Variants in TUBB6 observed in about 807,000 individuals in gnomAD.
The protein encoded by TUBB6 is tubulin beta 6 class V.
In TUBB6, 18 loss-of-function variants were observed where a neutral mutation model predicts 32.3. The observed-to-expected ratio is 0.56, with a 90% confidence interval of 0.39 to 0.83. TUBB6 has a LOEUF of 0.83. TUBB6 is among the 40% of genes least tolerant of loss of function. The pLI is 0.00. For missense variants in TUBB6, 480 were observed against 632.0 expected (o/e 0.76, Z 2.58); for synonymous variants, 280 against 265.8 (o/e 1.05, Z -0.52).
intron 3 of TUBB6, among the ~76,000 whole-genome samples, chr18:12,314,352 T>C (rs1219848029): frequency 2.6e-5 from 4 of 151,982 alleles, no homozygotes; most frequent in Non-Finnish European, 5.9e-5. Flanking sequence ...GTTCAGTGGA[T>C]TTTTGGTGAG....
At chr18:12,328,370 C>T (rs185884550), downstream of TUBB6, among the ~76,000 whole-genome samples, 1 of 152,346 alleles carries the variant, frequency 6.6e-6, no homozygotes, top group East Asian at 1.9e-4. Context: ...CAAATAACAG[C>T]AATTGATAGA....
chr18:12,329,416 G>T, downstream of TUBB6: 1 of 854,978 alleles, frequency 1.2e-6, no homozygotes, highest in Non-Finnish European at 1.9e-6. Flanking sequence ...GAGGCTGAAA[G>T]GACTAAGGAC....
chr18:12,320,912 A>G (rs1434252462), intron 3 of TUBB6, among the ~76,000 whole-genome samples: 2 of 152,216 alleles, frequency 1.3e-5, no homozygotes, highest in Non-Finnish European at 2.9e-5. Context: ...TCTACAGCCC[A>G]CTGCCCTTGC....
At chr18:12,307,775 C>G (rs1173388455), upstream of TUBB6, 1 of 152,194 alleles carries the variant, frequency 6.6e-6, no homozygotes, top group African/African-American at 2.4e-5. Flanking sequence ...AGAACGTGTG[C>G]CCGGGGTGCG....
In TUBB6 at chr18:12,325,406, C is replaced by T. The variant is rs1034116328; in HGVS notation, c.617C>T (p.Ala206Val). The T allele has an allele frequency of 2.5e-6, 4 of 1,614,220 alleles. No individual in the cohort carries two copies. The highest frequency in any genetic ancestry group is 1.1e-5 in the South Asian group (1 of 91,086). Reference sequence around the variant, plus strand: ...GAGACCTACTGCATCGACAACGAGGCGCTCTATGACATCTGCTTCCGCACT... The same window carrying T: ...GAGACCTACTGCATCGACAACGAGGTGCTCTATGACATCTGCTTCCGCACT... ...TDETYCIDNE[A>V]LYDICFRTLK... The change falls in exon 4 of 4, where the codon GCG becomes GTG. Residue 206 changes from alanine to valine, a missense_variant. Physicochemically the swap from Ala to Val is moderately conservative, Grantham distance 64. Transcript: ENST00000317702.
At chr18:12,318,330 A>G (rs1173192261) in intron 3 of TUBB6, among the ~76,000 whole-genome samples, 1 of 150,966 alleles carries the variant, frequency 6.6e-6, no homozygotes, top group Non-Finnish European at 1.5e-5. Flanking sequence ...GCCTACTAAG[A>G]GAAGGCAGTC....
intron 3 of TUBB6, among the ~76,000 whole-genome samples, chr18:12,314,793 G>A (rs1007116924): frequency 6.6e-6 from 1 of 152,092 alleles, no homozygotes; most frequent in African/African-American, 2.4e-5. Flanking sequence ...TTTAGCTCTG[G>A]GTTTCTGGCA....
intron 3 of TUBB6, 143 bp from the exon 4 acceptor site, chr18:12,324,924 T>G: frequency 1.3e-6 from 2 of 1,490,912 alleles, no homozygotes; most frequent in Non-Finnish European, 1.8e-6. Context: ...AGCTGCACCG[T>G]TGGTGGGTGC....
Position 12,308,344 on chromosome 18 carries a change from A to T in TUBB6, c.52A>T (p.Thr18Ser). The change falls in exon 1 of 4, where the codon ACC becomes TCC. Residue 18 changes from threonine (T) to serine (S), a missense_variant. By Grantham distance (58) the Thr-to-Ser change is moderately conservative. Coordinates refer to ENST00000317702, the MANE Select transcript of TUBB6 (RefSeq NM_032525.3). ...GGGCCAGTGCGGGAACCAGATCGGCACCAAGGTGGGCCTGGCGCGGTGCAG... is the reference window on the plus strand; with the variant it reads ...GGGCCAGTGCGGGAACCAGATCGGCTCCAAGGTGGGCCTGGCGCGGTGCAG... Reference protein sequence around the residue: ...QAGQCGNQIGTKFWEVISDEH... With the variant: ...QAGQCGNQIGSKFWEVISDEH... 6.8e-7 allele frequency: 1 copy of T among 1,476,700 alleles called. No individual in the cohort carries two copies. The highest frequency in any genetic ancestry group is 1.3e-5 in the South Asian group (1 of 77,664). 91.5% of individuals were successfully genotyped at this position (1,476,700 alleles called of 1,614,324 possible).
chr18:12,318,198 C>T (rs1906773742), intron 3 of TUBB6, among the ~76,000 whole-genome samples: 1 of 151,800 alleles, frequency 6.6e-6, no homozygotes. Context: ...TGTGGACCAG[C>T]CCCGAGCTTG....
At chr18:12,322,380 G>T (rs1196602771) in intron 3 of TUBB6, among the ~76,000 whole-genome samples, 4 of 150,176 alleles carry the variant, frequency 2.7e-5, no homozygotes, top group Non-Finnish European at 5.9e-5. Flanking sequence ...TTTGAGACAG[G>T]GTCTTGCTCT....
At position 12,326,092 on chromosome 18, in the gene TUBB6, G is replaced by A; in HGVS notation, c.1303G>A (p.Glu435Lys). 1.2e-6 allele frequency: 2 copies of A among 1,614,116 alleles called. No homozygotes were observed. The highest frequency in any genetic ancestry group is 1.7e-6 in the Non-Finnish European group (2 of 1,179,978). ...GGATGCCACCGCCAATGACGGGGAG[G>A]AAGCTTTTGAGGATGAGGAAGAGGA... ...YQDATANDGE[E>K]AFEDEEEEID... Residue 435 changes from glutamate to lysine, a missense_variant, in exon 4 of 4, where the codon GAA (glutamate) becomes AAA (lysine). Transcript: ENST00000317702.
intron 3 of TUBB6, among the ~76,000 whole-genome samples, chr18:12,312,215 A>G (rs1906422483): frequency 1.3e-5 from 2 of 152,250 alleles, no homozygotes; most frequent in Non-Finnish European, 2.9e-5. Context: ...TTCTACTAGA[A>G]CATACAAGTG....
Position 12,308,793 on chromosome 18 carries a change from C to A in TUBB6, c.164C>A (p.Ser55Ter), listed in dbSNP as rs1207885427. The change falls in exon 2 of 4, where the codon TCG (serine) becomes TAG (stop). Residue 55 changes from serine (S) to a stop codon, truncating the protein, a stop_gained and splice_region_variant. Transcript: ENST00000317702. LOFTEE classifies it high-confidence loss of function. The stretch of plus-strand genomic sequence containing the variant: ...ATCAACGTCTACTACAATGAGTCAT[C>A]GTGTGAGTAGCAAGGCCGCCGCGCC... ...ERINVYYNES[S>*]SQKYVPRAAL... The A allele has an allele frequency of 1.3e-6, 2 of 1,595,838 alleles. No homozygotes were observed. The highest frequency in any genetic ancestry group is 1.1e-5 in the South Asian group (1 of 90,782).
rs1000996202 is a variant in TUBB6, at chr18:12,311,926, TA to T, written c.277+884del. Among the ~76,000 whole-genome samples the T allele has an allele frequency of 1.1e-3, 168 of 147,686 alleles. 1 individual carries two copies. Among genetic ancestry groups the T allele is most frequent in the African/African-American group, 3.0e-3 (123 of 40,546 alleles). On this transcript the variant is annotated intron_variant, in intron 3 of 3. Coordinates refer to ENST00000317702, the MANE Select transcript of TUBB6 (RefSeq NM_032525.3). The stretch of plus-strand genomic sequence containing the variant: ...ACCACATATCTATTGACATTATTGC[TA>T]AAAAAAAAAATTCCTCACTCAATCA...
chr18:12,311,410 A>G (rs1267721868), intron 3 of TUBB6, among the ~76,000 whole-genome samples: 1 of 152,184 alleles, frequency 6.6e-6, no homozygotes, highest in East Asian at 1.9e-4. Flanking sequence ...ATCCTGGCTG[A>G]CACGGTGAAA....
chr18:12,308,108 C>A, upstream of TUBB6: 1 of 182,866 alleles, frequency 5.5e-6, no homozygotes, highest in South Asian at 1.7e-4. Context: ...CCCGCGCGTC[C>A]TCCCTCGGCT....
At chr18:12,321,341 C>T (rs1052614599) in intron 3 of TUBB6, among the ~76,000 whole-genome samples, 6 of 152,208 alleles carry the variant, frequency 3.9e-5, no homozygotes, top group Non-Finnish European at 4.4e-5. Flanking sequence ...GCTTCATCCC[C>T]CCCAAGAGTA....
At chr18:12,317,153 CAA>C (rs773323455) in intron 3 of TUBB6, among the ~76,000 whole-genome samples, 33 of 66,362 alleles carry the variant, frequency 5.0e-4, no homozygotes, top group Non-Finnish European at 4.2e-4. Context: ...GAGACCCTGT[CAA>C]AAAAAAAAAA....
Sources: gnomAD v4.1 joint callset for allele counts (sites outside exome capture counted in the v4.1 genomes callset) on GRCh38, gnomAD v4.1.1 for gene constraint, MANE v1.5 for transcripts, NCBI Gene and HGNC (gene_info 2026-07-23, HGNC 2026-07-21) for gene names.